Variants in ME2 observed in about 807,000 individuals in gnomAD.
ME2 encodes the protein malic enzyme 2.
A neutral mutation model predicts 73.7 loss-of-function variants in ME2; 60 were observed. The observed-to-expected ratio is 0.81, with a 90% CI of 0.66 to 1.01. The LOEUF (loss-of-function observed/expected upper bound fraction) is 1.01, where lower values mean the gene tolerates loss of function less well. Ranked by LOEUF, ME2 falls within the 50% of genes least tolerant of loss-of-function variation. The pLI, the probability that ME2 is intolerant of heterozygous loss-of-function variation, is 0.00. For missense variants in ME2, 594 were observed against 705.5 expected (o/e 0.84, Z 1.79); for synonymous variants, 199 against 236.9 (o/e 0.84, Z 1.47).
At chr18:50,942,637 T>C in intron 15 of ME2, 1 of 274,242 alleles carries the variant, frequency 3.6e-6, no homozygotes, top group Non-Finnish European at 6.7e-6. Context: ...ATGGCATTTT[T>C]ACTTTTTTCT....
intron 2 of ME2, among the ~76,000 whole-genome samples, chr18:50,901,424 A>G (rs540809707): frequency 6.6e-6 from 1 of 152,356 alleles, no homozygotes; most frequent in African/African-American, 2.4e-5. Context: ...AAAGATACAG[A>G]TAAAATGTGC....
chr18:50,905,540 C>T (rs566772969), intron 2 of ME2, among the ~76,000 whole-genome samples: 68 of 152,094 alleles, frequency 4.5e-4, no homozygotes, highest in African/African-American at 1.6e-3. Flanking sequence ...AAATATGTAC[C>T]CCAGGTTGTG....
At chr18:50,930,134 C>A (rs540924666) in intron 12 of ME2, among the ~76,000 whole-genome samples, 1 of 152,076 alleles carries the variant, frequency 6.6e-6, no homozygotes, top group East Asian at 1.9e-4. Context: ...GTGGCGCACA[C>A]CTGTGGTCTT....
chr18:50,924,651 G>A (rs1228030833), intron 11 of ME2, among the ~76,000 whole-genome samples: 1 of 151,942 alleles, frequency 6.6e-6, no homozygotes, highest in African/African-American at 2.4e-5. Flanking sequence ...TTTAAAAGAG[G>A]AGCTATTTAA....
At chr18:50,942,554 C>G in intron 15 of ME2, 1 of 217,654 alleles carries the variant, frequency 4.6e-6, no homozygotes, top group South Asian at 1.8e-4. Flanking sequence ...ATTCTCCAAT[C>G]ACTATCTCTC....
chr18:50,950,548 G>C lies in ME2; in HGVS notation c.*3364G>C, dbSNP rs1918203852. On this transcript the variant is annotated 3_prime_UTR_variant, in exon 16 of 16. Coordinates refer to ENST00000321341, the MANE Select transcript of ME2 (RefSeq NM_002396.5). ...TCACTCAGGCTGCAGTGAGTGGCGT[G>C]ATCTTGGCTCACTGCAACCTCCACT... The C allele has an allele frequency of 7.3e-6, 1 of 136,400 alleles. No homozygotes were observed. The highest frequency in any genetic ancestry group is 2.7e-5 in the African/African-American group (1 of 36,494). The allele number at this position is 136,400 out of a possible 1,614,324, so 8.4% of individuals were successfully genotyped here. A position where few individuals can be genotyped will look rare whatever the true frequency, so the allele number is the denominator to read the frequency against.
At chr18:50,890,394 A>T (rs528762710) in intron 1 of ME2, among the ~76,000 whole-genome samples, 2 of 152,176 alleles carry the variant, frequency 1.3e-5, no homozygotes, top group African/African-American at 4.8e-5. Context: ...GATTCCAGGC[A>T]TGCACCACTG....
intron 1 of ME2, among the ~76,000 whole-genome samples, chr18:50,882,006 T>G (rs147424900): frequency 4.4e-4 from 67 of 152,328 alleles, no homozygotes; most frequent in Non-Finnish European, 8.2e-4. Flanking sequence ...TATTTTGTTT[T>G]GTTTTTGTTT....
Position 50,951,866 on chromosome 18 carries a change from C to CAAAAAA in ME2, c.*4714_*4719dup, listed in dbSNP as rs757175835. On this transcript the variant is annotated 3_prime_UTR_variant, in exon 16 of 16. Coordinates refer to ENST00000321341, the MANE Select transcript of ME2 (RefSeq NM_002396.5). Reference sequence around the variant, plus strand: ...TGGGCGACAGAGTGAGCCTCCATCTCAAAAAAAAAAAAAAAAAAAAAAAAA... The same window carrying CAAAAAA: ...TGGGCGACAGAGTGAGCCTCCATCTCAAAAAAAAAAAAAAAAAAAAAAAAAAAAAAA... 1.4e-5 allele frequency: 1 copy of CAAAAAA among 71,340 alleles called. No homozygotes were observed. Among genetic ancestry groups the CAAAAAA allele is most frequent in the Non-Finnish European group, 2.6e-5 (1 of 38,256 alleles). 4.4% of individuals were successfully genotyped at this position (71,340 alleles called of 1,614,324 possible).
intron 2 of ME2, among the ~76,000 whole-genome samples, chr18:50,903,910 T>A (rs1016657236): frequency 2.6e-5 from 4 of 152,340 alleles, no homozygotes; most frequent in South Asian, 2.1e-4. Context: ...AGGAGAAACA[T>A]GAGACACATG....
chr18:50,891,318 A>G (rs1270109907), intron 1 of ME2, among the ~76,000 whole-genome samples: 1 of 152,226 alleles, frequency 6.6e-6, no homozygotes, highest in Non-Finnish European at 1.5e-5. Flanking sequence ...CTGAACTACC[A>G]GACTACAAGG....
intron 1 of ME2, among the ~76,000 whole-genome samples, chr18:50,882,247 C>T (rs895048633): frequency 3.9e-5 from 6 of 152,174 alleles, no homozygotes; most frequent in African/African-American, 1.4e-4. Flanking sequence ...AACCCACCCA[C>T]CTTGGCCTCC....
At chr18:50,915,089 CCCTCCTCCT>C (rs57668604) in intron 4 of ME2, among the ~76,000 whole-genome samples, 2 of 150,328 alleles carry the variant, frequency 1.3e-5, no homozygotes, top group African/African-American at 2.5e-5. Context: ...GAAGACCAAC[CCCTCCTCCT>C]CCTCCTCCTC....
chr18:50,896,054 A>C (rs1400184764), intron 2 of ME2, 126 bp downstream of exon 2: 8 of 651,958 alleles, frequency 1.2e-5, no homozygotes, highest in Non-Finnish European at 1.5e-5. Context: ...AGTTGTTTAC[A>C]TGAAATTTTC....
intron 1 of ME2, among the ~76,000 whole-genome samples, chr18:50,884,120 T>C (rs578007539): frequency 6.6e-6 from 1 of 152,150 alleles, no homozygotes; most frequent in Non-Finnish European, 1.5e-5. Flanking sequence ...GTTTTTTTCC[T>C]TAAGTTTTTT....
intron 1 of ME2, among the ~76,000 whole-genome samples, chr18:50,884,475 G>C (rs1916407099): frequency 6.6e-6 from 1 of 152,114 alleles, no homozygotes; most frequent in Non-Finnish European, 1.5e-5. Context: ...AGCCTCCCGA[G>C]TAGCTGGGAC....
intron 1 of ME2, among the ~76,000 whole-genome samples, chr18:50,880,543 T>G (rs931878052): frequency 6.6e-6 from 1 of 152,200 alleles, no homozygotes; most frequent in Admixed American, 6.5e-5. Context: ...TTCCAGCACT[T>G]CTGGGAGGCC....
chr18:50,905,946 G>T (rs1318465378), intron 2 of ME2, among the ~76,000 whole-genome samples: 1 of 152,158 alleles, frequency 6.6e-6, no homozygotes, highest in African/African-American at 2.4e-5. Flanking sequence ...GAGTGCCCTG[G>T]CCAAGGAGGA....
Position 50,895,938 on chromosome 18 carries a change from A to G in ME2, c.108+10A>G, listed in dbSNP as rs765314405. 8.7e-6 allele frequency: 13 copies of G among 1,500,862 alleles called. No homozygotes were observed. The East Asian group carries it at 2.3e-4, about 26-fold the overall frequency. 93.0% of individuals were successfully genotyped at this position (1,500,862 alleles called of 1,614,324 possible). ...CCCAAGAACAAACAAGGTTAGTAAC[A>G]TTAATATCAATGTACATTTTCTCTC... is the stretch of plus-strand genomic sequence containing the variant. On this transcript the variant is annotated intron_variant, in intron 2 of 15. Coordinates refer to ENST00000321341, the MANE Select transcript of ME2 (RefSeq NM_002396.5).
Sources: gnomAD v4.1 joint callset for allele counts (sites outside exome capture counted in the v4.1 genomes callset) on GRCh38, gnomAD v4.1.1 for gene constraint, MANE v1.5 for transcripts, NCBI Gene and HGNC (gene_info 2026-07-23, HGNC 2026-07-21) for gene names.